Variants in TANC1 observed in about 807,000 individuals in gnomAD.
TANC1 encodes protein TANC1.
TANC1 carries 77 observed loss-of-function variants against 149.7 expected under a neutral mutation model. The observed-to-expected ratio is 0.51, with a 90% confidence interval of 0.43 to 0.62. TANC1 has a LOEUF of 0.62. Ranked by LOEUF, TANC1 falls within the 20% of genes least tolerant of loss-of-function variation. The pLI is 0.00. For missense variants in TANC1, 1,985 were observed against 2,321.8 expected (o/e 0.85, Z 2.98); for synonymous variants, 854 against 925.0 (o/e 0.92, Z 1.39).
At chr2:159,049,667 G>T (rs1434567625) in intron 2 of TANC1, among the ~76,000 whole-genome samples, 1 of 152,204 alleles carries the variant, frequency 6.6e-6, no homozygotes, top group East Asian at 1.9e-4. Context: ...GGGGAGTCAG[G>T]ACTGGTGAGA....
chr2:159,208,276 A>C (rs2058757532), intron 19 of TANC1, among the ~76,000 whole-genome samples: 1 of 152,206 alleles, frequency 6.6e-6, no homozygotes, highest in Non-Finnish European at 1.5e-5. Flanking sequence ...CAGTTGAATA[A>C]GTGGATGTAT....
chr2:159,070,734 A>C (rs960160930), intron 3 of TANC1, among the ~76,000 whole-genome samples: 1 of 152,174 alleles, frequency 6.6e-6, no homozygotes, highest in Admixed American at 6.5e-5. Context: ...TTCTTGGCTA[A>C]GATTTGTACA....
At chr2:158,976,647 A>G (rs527575404) in intron 1 of TANC1, among the ~76,000 whole-genome samples, 153 of 152,274 alleles carry the variant, frequency 1.0e-3, no homozygotes, top group Non-Finnish European at 1.4e-3. Flanking sequence ...TTGGGAGGCC[A>G]AGGCGGGCAG....
chr2:159,143,062 CAAA>C (rs70994269), intron 5 of TANC1, among the ~76,000 whole-genome samples: 1 of 87,372 alleles, frequency 1.1e-5, no homozygotes, highest in Non-Finnish European at 2.0e-5. Context: ...GACTCTGTCT[CAAA>C]AAAAAAAAAA....
chr2:159,098,144 G>A (rs755258409), intron 4 of TANC1, among the ~76,000 whole-genome samples: 19 of 152,146 alleles, frequency 1.2e-4, no homozygotes, highest in South Asian at 2.1e-4. Flanking sequence ...TTATGGCACC[G>A]ACTAATGATG....
chr2:159,209,918 C>T lies in TANC1; in HGVS notation c.3245-7579C>T, dbSNP rs190953618. Among the ~76,000 whole-genome samples, 145 of 152,306 alleles carry T rather than the reference C, an allele frequency of 9.5e-4. 1 individual carries two copies. Among genetic ancestry groups the T allele is most frequent in the African/African-American group, 3.4e-3 (141 of 41,554 alleles). On this transcript the variant is annotated intron_variant, in intron 19 of 26. Coordinates refer to ENST00000263635, the MANE Select transcript of TANC1 (RefSeq NM_033394.3). Reference sequence around the variant, plus strand: ...CTGCTGCTTTCAATTAATGTTGACACTCATTTTTTTCATTTTCCACTCATT... The same window carrying T: ...CTGCTGCTTTCAATTAATGTTGACATTCATTTTTTTCATTTTCCACTCATT...
At chr2:159,219,146 G>C in intron 20 of TANC1, 92 bp from the exon 21 acceptor site, 1 of 1,511,074 alleles carries the variant, frequency 6.6e-7, no homozygotes, top group Admixed American at 1.7e-5. Flanking sequence ...AAAGTCATTT[G>C]ACTATTTTTA....
chr2:158,976,021 A>G (rs923457883), intron 1 of TANC1, among the ~76,000 whole-genome samples: 3 of 150,504 alleles, frequency 2.0e-5, no homozygotes, highest in African/African-American at 7.3e-5. Context: ...TTTTGTAGAG[A>G]TGGGGTTTCC....
At chr2:159,187,643 A>C (rs2057101339) in intron 16 of TANC1, among the ~76,000 whole-genome samples, 1 of 152,160 alleles carries the variant, frequency 6.6e-6, no homozygotes, top group Non-Finnish European at 1.5e-5. Flanking sequence ...CAGCCTGTTA[A>C]GGCCACAGAG....
rs922581796 is a variant in TANC1 at position 159,209,692 on chromosome 2, A to G, written c.3245-7805A>G. 2.6e-5 allele frequency among the ~76,000 whole-genome samples: 4 copies of G among 152,232 alleles called. No individual in the cohort carries two copies. In the East Asian group the frequency reaches 7.7e-4, roughly 29 times the overall value. On this transcript the variant is annotated intron_variant, in intron 19 of 26. Transcript: ENST00000263635. ...TTTAAAAAAAAGAAAAAATCCTAAA[A>G]TCCCTCATTACATTTTACCATTGAG...
Position 159,178,562 on chromosome 2 carries a change from A to G in TANC1, c.1909A>G (p.Ile637Val), listed in dbSNP as rs772366751. Residue 637 changes from isoleucine (I) to valine (V), a missense_variant, in exon 14 of 27, where the codon ATA becomes GTA. Coordinates refer to ENST00000263635, the MANE Select transcript of TANC1 (RefSeq NM_033394.3). The part of the protein sequence containing the change: ...VTVRANFQEI[I>V]SALPFVKLSL... ...TTTTTGTTTTCTCCCCCAGGAAATC[A>G]TAAGTGCGCTGCCATTTGTCAAGCT... 35 of 1,562,294 alleles carry G rather than the reference A, an allele frequency of 2.2e-5. No homozygotes were observed. Among genetic ancestry groups the G allele is most frequent in the South Asian group, 1.8e-4 (15 of 82,572 alleles).
rs1011256695 is a variant in TANC1 at position 159,194,500 on chromosome 2, G to C, written c.2979+7G>C. 6.2e-7 allele frequency: 1 copy of C among 1,608,362 alleles called. No homozygotes were observed. Among genetic ancestry groups the C allele is most frequent in the African/African-American group, 1.3e-5 (1 of 74,832 alleles). On this transcript the variant is annotated splice_region_variant and intron_variant, in intron 17 of 26. Coordinates refer to ENST00000263635, the MANE Select transcript of TANC1 (RefSeq NM_033394.3). ...GACCAAGAAGGGAGTGAGAGTAAGC[G>C]GCAGCCTGCTCTTTTGGGGCTGGGG...
At chr2:159,169,720 C>CGG (rs1214010265) in intron 9 of TANC1, among the ~76,000 whole-genome samples, 5 of 152,096 alleles carry the variant, frequency 3.3e-5, no homozygotes, top group African/African-American at 1.2e-4. Flanking sequence ...AGGCCAGGCG[C>CGG]GGTGGCTCAT....
rs551531993 is a variant in TANC1, at chr2:159,012,618, G to C, written c.-16+11429G>C. On this transcript the variant is annotated intron_variant, in intron 2 of 26. Transcript: ENST00000263635. Reference sequence around the variant, plus strand: ...ATACTGAGACTGAAAATTTCTGTGGGCAACTGACTTGTCAATTTCTGAAGT... The same window carrying C: ...ATACTGAGACTGAAAATTTCTGTGGCCAACTGACTTGTCAATTTCTGAAGT... Among the ~76,000 whole-genome samples the C allele has an allele frequency of 1.4e-4, 21 of 152,196 alleles. No individual in the cohort carries two copies. In the South Asian group the frequency reaches 4.4e-3, roughly 32 times the overall value.
chr2:159,071,399 AT>A (rs66499974), intron 3 of TANC1, among the ~76,000 whole-genome samples: 36,849 of 151,954 alleles, frequency 0.24, 5,876 homozygotes, highest in Non-Finnish European at 0.37. Context: ...TTAAAAAAAA[AT>A]TTTTTTTTGA....
chr2:159,170,502 A>ATTTTTTTTTTTTTTTTTTTTTTTTT, intron 9 of TANC1, 22 bp from the exon 10 acceptor site: 1 of 1,551,874 alleles, frequency 6.4e-7, no homozygotes. Context: ...TTTTTCTAAA[A>ATTTTTTTTTTTTTTTTTTTTTTTTT]TTTTTTTTTC....
At chr2:159,193,366 A>T (rs145660014) in intron 16 of TANC1, among the ~76,000 whole-genome samples, 2 of 152,354 alleles carry the variant, frequency 1.3e-5, no homozygotes, top group Non-Finnish European at 2.9e-5. Flanking sequence ...CCATCCACTG[A>T]TGAACACTGA....
At chr2:159,122,463 A>G (rs890175348) in intron 4 of TANC1, among the ~76,000 whole-genome samples, 2 of 152,192 alleles carry the variant, frequency 1.3e-5, no homozygotes, top group African/African-American at 4.8e-5. Context: ...TTTAAAATTA[A>G]CATAGAGCAA....
intron 2 of TANC1, among the ~76,000 whole-genome samples, chr2:159,026,513 T>C (rs974960639): frequency 2.0e-5 from 3 of 152,234 alleles, no homozygotes; most frequent in African/African-American, 4.8e-5. Context: ...TTGCTATAAC[T>C]GAATACCTGA....
Sources: allele counts gnomAD v4.1 joint callset (sites outside exome capture counted in the v4.1 genomes callset), GRCh38; gene constraint gnomAD v4.1.1; transcripts MANE v1.5; gene names NCBI Gene and HGNC (gene_info 2026-07-23, HGNC 2026-07-21).